Variants in GABRB1 observed in about 807,000 individuals in gnomAD.
GABRB1 encodes the protein gamma-aminobutyric acid type A receptor subunit beta1, also known as gamma-aminobutyric acid receptor subunit beta-1.
GABRB1 carries 17 observed loss-of-function variants against 51.6 expected under a neutral mutation model. The ratio of observed to expected loss-of-function variants is 0.33; its 90% CI spans 0.23 to 0.49. The LOEUF is 0.49. Among genes scored for constraint, GABRB1 ranks in the 20% least tolerant of loss-of-function variants. The pLI is 0.99. For missense variants in GABRB1, 410 were observed against 600.6 expected, an observed-to-expected ratio of 0.68 and a Z score of 3.32; for synonymous variants, 247 against 218.9, an observed-to-expected ratio of 1.13 and a Z score of -1.14.
At chr4:47,301,254 A>T (rs1198783546) in intron 4 of GABRB1, among the ~76,000 whole-genome samples, 1 of 152,140 alleles carries the variant, frequency 6.6e-6, no homozygotes, top group African/African-American at 2.4e-5. Context: ...AATCCATTGG[A>T]TATTATAGTA....
intron 1 of GABRB1, among the ~76,000 whole-genome samples, chr4:47,014,980 C>G (rs1724702147): frequency 6.6e-6 from 1 of 152,188 alleles, no homozygotes; most frequent in Non-Finnish European, 1.5e-5. Context: ...GATTTTGGCT[C>G]ACTGCAACCT....
chr4:47,164,874 TA>T (rs1260137109), intron 4 of GABRB1, among the ~76,000 whole-genome samples: 2 of 152,108 alleles, frequency 1.3e-5, no homozygotes, highest in Non-Finnish European at 2.9e-5. Context: ...ATGCAACAGA[TA>T]TTCGGCCCTT....
At chr4:47,392,759 A>G (rs1728048458) in intron 5 of GABRB1, among the ~76,000 whole-genome samples, 1 of 152,242 alleles carries the variant, frequency 6.6e-6, no homozygotes, top group African/African-American at 2.4e-5. Flanking sequence ...AAAGTGGAGT[A>G]TGCAGCATAG....
intron 3 of GABRB1, among the ~76,000 whole-genome samples, chr4:47,138,557 C>G (rs1217718068): frequency 6.6e-6 from 1 of 152,010 alleles, no homozygotes; most frequent in East Asian, 1.9e-4. Flanking sequence ...AAAGCTAGAC[C>G]AGTGAGAGTC....
At chr4:47,123,792 ATATAT>A (rs1279554218) in intron 3 of GABRB1, among the ~76,000 whole-genome samples, 2 of 84,334 alleles carry the variant, frequency 2.4e-5, no homozygotes, top group Admixed American at 2.1e-4. Flanking sequence ...ATTATATATA[ATATAT>A]TATATATCAT....
chr4:47,254,794 T>G (rs895984560), intron 4 of GABRB1, among the ~76,000 whole-genome samples: 1 of 152,212 alleles, frequency 6.6e-6, no homozygotes, highest in Non-Finnish European at 1.5e-5. Context: ...CATTATTATA[T>G]AGTTAACCTT....
intron 3 of GABRB1, among the ~76,000 whole-genome samples, chr4:47,135,038 G>C (rs764135166): frequency 2.8e-4 from 42 of 152,090 alleles, no homozygotes; most frequent in Non-Finnish European, 5.7e-4. Context: ...CTTGATCCCA[G>C]GAGTTCAGGA....
chr4:47,398,765 G>GT (rs1311356871), intron 5 of GABRB1, among the ~76,000 whole-genome samples: 2 of 147,284 alleles, frequency 1.4e-5, no homozygotes, highest in African/African-American at 2.6e-5. Context: ...TTTGTGTGAG[G>GT]TTTTTTTGTT....
intron 5 of GABRB1, among the ~76,000 whole-genome samples, chr4:47,394,146 C>T (rs1253933162): frequency 1.3e-5 from 2 of 152,192 alleles, no homozygotes; most frequent in Non-Finnish European, 2.9e-5. Context: ...TGATGGGTGA[C>T]TCTAAAGCTA....
rs116236363 is a variant in GABRB1, at chr4:47,384,359, G to A, written c.545-18959G>A. Among the ~76,000 whole-genome samples the A allele has an allele frequency of 1.6e-3, 244 of 149,090 alleles. 1 individual carries two copies. Among genetic ancestry groups the A allele is most frequent in the African/African-American group, 5.7e-3 (231 of 40,482 alleles). ...GGATTTTCCAAAAATGTGCTTTATT[G>A]ACAAATCACTATTTCTCATCAGAAT... is the stretch of plus-strand genomic sequence containing the variant. On this transcript the variant is annotated intron_variant, in intron 5 of 8. Coordinates refer to ENST00000295454, the MANE Select transcript of GABRB1 (RefSeq NM_000812.4).
intron 5 of GABRB1, among the ~76,000 whole-genome samples, chr4:47,375,309 G>A (rs936071046): frequency 9.9e-5 from 15 of 152,172 alleles, no homozygotes; most frequent in African/African-American, 1.2e-4. Flanking sequence ...AGTAGTTAGC[G>A]AATCCAGTTA....
chr4:47,178,134 T>A (rs997435033), intron 4 of GABRB1, among the ~76,000 whole-genome samples: 2 of 152,074 alleles, frequency 1.3e-5, no homozygotes, highest in African/African-American at 2.4e-5. Context: ...GTTTCTTCAA[T>A]ATGATCATCA....
chr4:47,407,010 T>C, intron 8 of GABRB1, 84 bp downstream of exon 8: 1 of 1,305,300 alleles, frequency 7.7e-7, no homozygotes. Context: ...TTAAAAACGA[T>C]TAATAAAAAA....
chr4:47,160,168 G>A (rs2048334753), intron 3 of GABRB1, among the ~76,000 whole-genome samples: 1 of 152,088 alleles, frequency 6.6e-6, no homozygotes, highest in Non-Finnish European at 1.5e-5. Context: ...ACTGCCAGGG[G>A]AAACCTAAGT....
intron 3 of GABRB1, among the ~76,000 whole-genome samples, chr4:47,130,362 TG>T (rs1478195711): frequency 2.0e-5 from 3 of 147,506 alleles, no homozygotes; most frequent in African/African-American, 7.4e-5. Flanking sequence ...TGTGTGTGTG[TG>T]TGTGTGTGTG....
At chr4:47,049,725 G>A (rs368452517) in intron 3 of GABRB1, among the ~76,000 whole-genome samples, 17 of 152,170 alleles carry the variant, frequency 1.1e-4, no homozygotes, top group African/African-American at 4.1e-4. Context: ...TATTTAGCTT[G>A]ATTCTACAGA....
chr4:47,187,192 A>G (rs1178060065), intron 4 of GABRB1, among the ~76,000 whole-genome samples: 3 of 151,838 alleles, frequency 2.0e-5, no homozygotes, highest in Non-Finnish European at 4.4e-5. Flanking sequence ...TACCTAAGCA[A>G]GTTTATACTG....
At chr4:47,306,426 A>T (rs1214107643) in intron 4 of GABRB1, among the ~76,000 whole-genome samples, 3 of 150,860 alleles carry the variant, frequency 2.0e-5, no homozygotes, top group Non-Finnish European at 4.4e-5. Flanking sequence ...TGCAGGGTAG[A>T]GATAGGAGGA....
In GABRB1 at chr4:47,186,248, CTT is replaced by C. The variant is rs1184584863; in HGVS notation, c.461+24780_461+24781del. Among the ~76,000 whole-genome samples the C allele has an allele frequency of 2.0e-5, 3 of 151,840 alleles. No individual in the cohort carries two copies. In the South Asian group the frequency reaches 6.2e-4, roughly 31 times the overall value. On this transcript the variant is annotated intron_variant, in intron 4 of 8. Transcript: ENST00000295454. ...GCGGGGGGTAAGTCCTGATCTCTCT[CTT>C]GTAATCATTGTGCTTTTATTAACAA...
Sources: gnomAD v4.1 joint callset for allele counts (sites outside exome capture counted in the v4.1 genomes callset) on GRCh38, gnomAD v4.1.1 for gene constraint, MANE v1.5 for transcripts, NCBI Gene and HGNC (gene_info 2026-07-23, HGNC 2026-07-21) for gene names.